Variants in RPS6KA2 observed in about 807,000 individuals in gnomAD.
RPS6KA2 encodes ribosomal protein S6 kinase alpha-2.
RPS6KA2 carries 42 observed loss-of-function variants against 91.8 expected under a neutral mutation model. That is an observed-to-expected ratio of 0.46 (90% CI 0.36 to 0.59). RPS6KA2 has a LOEUF of 0.59. Ranked by LOEUF, RPS6KA2 falls within the 20% of genes least tolerant of loss-of-function variation. The pLI is 0.00. For missense variants in RPS6KA2, 798 were observed against 978.5 expected, an observed-to-expected ratio of 0.82 and a Z score of 2.46; for synonymous variants, 414 against 393.6, an observed-to-expected ratio of 1.05 and a Z score of -0.61.
intron 1 of RPS6KA2, among the ~76,000 whole-genome samples, chr6:166,570,247 A>C (rs1407540675): frequency 2.6e-4 from 39 of 152,282 alleles, no homozygotes; most frequent in Non-Finnish European, 4.4e-5. Context: ...GCAGCACTGA[A>C]AAATGGCAGC....
intron 2 of RPS6KA2, among the ~76,000 whole-genome samples, chr6:166,853,419 A>AGCCTGGGGCT (rs1179644320): frequency 1.3e-5 from 2 of 152,198 alleles, no homozygotes; most frequent in Admixed American, 6.5e-5. Context: ...GAGACCCGGG[A>AGCCTGGGGCT]GCCTGGGGCT....
At chr6:166,590,765 A>G (rs891235953) in intron 1 of RPS6KA2, among the ~76,000 whole-genome samples, 9 of 152,234 alleles carry the variant, frequency 5.9e-5, no homozygotes, top group African/African-American at 1.9e-4. Context: ...AAAAATTAAA[A>G]AAAAAACCTC....
chr6:166,737,674 TC>T lies in RPS6KA2; in HGVS notation c.123+120525del, dbSNP rs1181814393. Among the ~76,000 whole-genome samples, 15 of 152,126 alleles carry T rather than the reference TC, an allele frequency of 9.9e-5. No individual in the cohort carries two copies. Among genetic ancestry groups the T allele is most frequent in the African/African-American group, 3.1e-4 (13 of 41,494 alleles). ...GCTTTCCAGGCTAACGTCCGGATAA[TC>T]CCCCCAGGTACCTGGGCCATGGATC... On this transcript the variant is annotated intron_variant, in intron 2 of 21. Coordinates refer to the RPS6KA2 transcript ENST00000503859. The surrounding 1 kb of genome is among the most constrained non-coding windows in gnomAD (Gnocchi z 4.3).
At chr6:166,828,380 C>T (rs1268332149) in intron 2 of RPS6KA2, among the ~76,000 whole-genome samples, 4 of 152,244 alleles carry the variant, frequency 2.6e-5, no homozygotes, top group Non-Finnish European at 5.9e-5. Context: ...GACTGCCACG[C>T]CAGTCCCCAG....
chr6:166,585,491 A>C (rs1785139101), intron 1 of RPS6KA2, among the ~76,000 whole-genome samples: 1 of 144,774 alleles, frequency 6.9e-6, no homozygotes, highest in African/African-American at 2.6e-5. Flanking sequence ...CATGACATCA[A>C]ACAAGTCTTT....
intron 2 of RPS6KA2, among the ~76,000 whole-genome samples, chr6:166,845,837 A>G (rs1005754427): frequency 6.6e-6 from 1 of 152,166 alleles, no homozygotes; most frequent in African/African-American, 2.4e-5. Flanking sequence ...ACCCAAACCC[A>G]GCAGAAGAAA....
chr6:166,691,166 C>A (rs1196812835), intron 2 of RPS6KA2, among the ~76,000 whole-genome samples: 1 of 152,140 alleles, frequency 6.6e-6, no homozygotes, highest in East Asian at 1.9e-4. Flanking sequence ...CCTGACTCTG[C>A]CATCTGATTG....
rs1459767789 is a variant in RPS6KA2 at position 166,495,372 on chromosome 6, G to T, written c.747+3136C>A. 6.6e-6 allele frequency among the ~76,000 whole-genome samples: 1 copy of T among 152,200 alleles called. No individual in the cohort carries two copies. The highest frequency in any genetic ancestry group is 2.4e-5 in the African/African-American group (1 of 41,438). ...AGACATTGAATGCGGGACGATCCCA[G>T]CAAACAAGTGAACAATTCAGTAAGA... On this transcript the variant is annotated intron_variant, in intron 8 of 20. Coordinates refer to ENST00000265678, the MANE Select transcript of RPS6KA2 (RefSeq NM_021135.6). This position sits in a 1 kb window ranked among gnomAD's most constrained non-coding sequence, Gnocchi z 4.4.
intron 1 of RPS6KA2, among the ~76,000 whole-genome samples, chr6:166,583,871 C>T (rs550029523): frequency 2.0e-5 from 3 of 152,268 alleles, no homozygotes; most frequent in South Asian, 4.1e-4. Flanking sequence ...CTAATGGTAA[C>T]ATAGGTTAGA....
chr6:166,767,793 ACAC>A lies in RPS6KA2; in HGVS notation c.123+90404_123+90406del, dbSNP rs1778359729. Among the ~76,000 whole-genome samples the A allele has an allele frequency of 1.4e-5, 2 of 147,410 alleles. No individual in the cohort carries two copies. The highest frequency in any genetic ancestry group is 3.0e-5 in the Non-Finnish European group (2 of 66,806). On this transcript the variant is annotated intron_variant, in intron 2 of 21. Transcript: ENST00000503859. This position sits in a 1 kb window ranked among gnomAD's most constrained non-coding sequence, Gnocchi z 4.6. ...TCCTCAAACACACACACACACACAC[ACAC>A]ACACACACACACACACACACCCTGG...
intron 2 of RPS6KA2, among the ~76,000 whole-genome samples, chr6:166,817,393 ACG>A (rs985007678): frequency 0.011 from 1,037 of 90,448 alleles, 10 homozygotes; most frequent in African/African-American, 0.028. Flanking sequence ...AAACACACAC[ACG>A]CATGTAAACA....
chr6:166,480,520 A>AT lies in RPS6KA2; in HGVS notation c.907+8312dup, dbSNP rs141424301. 3.9e-4 allele frequency among the ~76,000 whole-genome samples: 38 copies of AT among 97,446 alleles called. 1 individual carries two copies. Among genetic ancestry groups the AT allele is most frequent in the Non-Finnish European group, 4.8e-4 (24 of 50,320 alleles). 63.9% of individuals were successfully genotyped at this position (97,446 alleles called of 152,430 possible). A position where few individuals can be genotyped will look rare whatever the true frequency, so the allele number is the denominator to read the frequency against. On this transcript the variant is annotated intron_variant, in intron 10 of 20. Coordinates refer to ENST00000265678, the MANE Select transcript of RPS6KA2 (RefSeq NM_021135.6). ...ATATATATATATATATATATAATATATTTTTTTTTTTTGAGAGAGAGTTTT... is the reference window on the plus strand; with the variant it reads ...ATATATATATATATATATATAATATATTTTTTTTTTTTTGAGAGAGAGTTTT...
chr6:166,510,641 A>C (rs940613480), intron 3 of RPS6KA2, among the ~76,000 whole-genome samples: 1 of 129,588 alleles, frequency 7.7e-6, no homozygotes. Flanking sequence ...AATTGTAGGC[A>C]GCACGACATG....
chr6:166,723,049 T>C (rs1052928081), intron 2 of RPS6KA2, among the ~76,000 whole-genome samples: 1 of 152,158 alleles, frequency 6.6e-6, no homozygotes, highest in Non-Finnish European at 1.5e-5. Context: ...CTGTGGAGAC[T>C]ACAGTAAAAG....
At chr6:166,614,990 C>T (rs1786351102) in intron 1 of RPS6KA2, among the ~76,000 whole-genome samples, 1 of 152,156 alleles carries the variant, frequency 6.6e-6, no homozygotes, top group Non-Finnish European at 1.5e-5. Context: ...CTCGAGGAGA[C>T]ATTATCCAGC....
rs974056618 is a variant in RPS6KA2, at chr6:166,500,685, G to A, written c.604+202C>T. On this transcript the variant is annotated intron_variant, in intron 7 of 20. Transcript: ENST00000265678. This position sits in a 1 kb window ranked among gnomAD's most constrained non-coding sequence, Gnocchi z 4.3. ...GGGAGAGGGAAAAGAAGGGGCCACC[G>A]GGAAGCTGCATGGGTCTGGACGTTA... is the stretch of plus-strand genomic sequence containing the variant. Among the ~76,000 whole-genome samples the A allele has an allele frequency of 8.5e-5, 13 of 152,180 alleles. No homozygotes were observed. The highest frequency in any genetic ancestry group is 2.7e-4 in the African/African-American group (11 of 41,432).
At chr6:166,599,972 C>G (rs1371510738) in intron 1 of RPS6KA2, among the ~76,000 whole-genome samples, 1 of 152,162 alleles carries the variant, frequency 6.6e-6, no homozygotes, top group African/African-American at 2.4e-5. Flanking sequence ...GCCTCCCCTC[C>G]TCCGTATATG....
chr6:166,599,022 G>A (rs879414967), intron 1 of RPS6KA2, among the ~76,000 whole-genome samples: 3 of 152,150 alleles, frequency 2.0e-5, no homozygotes, highest in African/African-American at 2.4e-5. Flanking sequence ...TCCCAGGTTC[G>A]GTGATCAAAA....
At chr6:166,779,360 T>C (rs568510051) in intron 2 of RPS6KA2, among the ~76,000 whole-genome samples, 98 of 152,348 alleles carry the variant, frequency 6.4e-4, no homozygotes, top group Non-Finnish European at 1.2e-3. Flanking sequence ...CTGAGTCTCA[T>C]GGACTGAATT....
Sources: gnomAD v4.1 joint callset for allele counts (sites outside exome capture counted in the v4.1 genomes callset) on GRCh38, gnomAD v4.1.1 for gene constraint, Gnocchi (gnomAD v3.1) non-coding constraint, MANE v1.5 for transcripts, NCBI Gene and HGNC (gene_info 2026-07-23, HGNC 2026-07-21) for gene names.